Variants in ASAP2 observed in about 807,000 individuals in gnomAD.
The protein encoded by ASAP2 is ArfGAP with SH3 domain, ankyrin repeat and PH domain 2, also known as arf-GAP with SH3 domain, ANK repeat and PH domain-containing protein 2.
ASAP2 carries 45 observed loss-of-function variants against 131.4 expected under a neutral mutation model. That is an observed-to-expected ratio of 0.34 (90% confidence interval 0.27 to 0.44). The LOEUF is 0.44. ASAP2 is among the 20% of genes least tolerant of loss of function. ASAP2 has a pLI of 1.00. For synonymous variants in ASAP2, 510 were observed against 503.0 expected (o/e 1.01, Z -0.19); for missense variants, 1,011 against 1,297.0 (o/e 0.78, Z 3.39).
At chr2:9,331,079 A>G (rs1478890869) in intron 7 of ASAP2, among the ~76,000 whole-genome samples, 1 of 152,094 alleles carries the variant, frequency 6.6e-6, no homozygotes, top group African/African-American at 2.4e-5. Context: ...TTCCCCCACC[A>G]CACACGCCCA....
chr2:9,381,134 A>T (rs1168667647), intron 20 of ASAP2, among the ~76,000 whole-genome samples: 1 of 152,236 alleles, frequency 6.6e-6, no homozygotes, highest in Non-Finnish European at 1.5e-5. Flanking sequence ...GGCCTCCGTA[A>T]GCTGTTTACT....
intron 1 of ASAP2, among the ~76,000 whole-genome samples, chr2:9,269,295 G>T (rs1291974255): frequency 6.6e-6 from 1 of 152,008 alleles, no homozygotes; most frequent in Non-Finnish European, 1.5e-5. Flanking sequence ...AATTAATTTG[G>T]GTTCAGTTGG....
At chr2:9,304,549 C>T (rs4668616) in intron 3 of ASAP2, among the ~76,000 whole-genome samples, 144,033 of 145,344 alleles carry the variant, frequency 0.99, 71,378 homozygotes, top group Middle Eastern at 1. Context: ...GGGAGGGCTG[C>T]AGTTGTGGGG....
At chr2:9,258,335 G>T (rs58394981) in intron 1 of ASAP2, among the ~76,000 whole-genome samples, 39,541 of 90,054 alleles carry the variant, frequency 0.44, 6,541 homozygotes, top group African/African-American at 0.59. Context: ...ATCAGTAGTT[G>T]TTTTTTTTTT....
intron 2 of ASAP2, among the ~76,000 whole-genome samples, chr2:9,279,996 A>T (rs1021429615): frequency 6.6e-6 from 1 of 152,210 alleles, no homozygotes; most frequent in Non-Finnish European, 1.5e-5. Context: ...AATATTTTTT[A>T]AAAGTCGTTA....
At chr2:9,355,048 C>T (rs1672606501) in intron 12 of ASAP2, among the ~76,000 whole-genome samples, 1 of 152,192 alleles carries the variant, frequency 6.6e-6, no homozygotes, top group East Asian at 1.9e-4. Context: ...CCTCCCCTAG[C>T]TTTCCCTTCT....
At chr2:9,300,053 G>A (rs1482725361) in intron 3 of ASAP2, among the ~76,000 whole-genome samples, 1 of 152,140 alleles carries the variant, frequency 6.6e-6, no homozygotes, top group African/African-American at 2.4e-5. Context: ...GCAACATGGG[G>A]AACCCCTGTT....
intron 9 of ASAP2, among the ~76,000 whole-genome samples, chr2:9,342,850 C>G (rs542208538): frequency 6.6e-6 from 1 of 152,346 alleles, no homozygotes; most frequent in South Asian, 2.1e-4. Context: ...CGTGACCTCC[C>G]TGTGTCTTCT....
chr2:9,219,292 C>T (rs1662259949), intron 1 of ASAP2, among the ~76,000 whole-genome samples: 3 of 152,122 alleles, frequency 2.0e-5, no homozygotes. Context: ...TCACATTTGC[C>T]CTGTGATTCG....
chr2:9,400,984 T>C (rs1172725372), intron 26 of ASAP2, among the ~76,000 whole-genome samples, 154 bp downstream of exon 26: 3 of 152,062 alleles, frequency 2.0e-5, no homozygotes, highest in African/African-American at 4.8e-5. Context: ...TCTGGGCAGC[T>C]GGTGGGTTTG....
chr2:9,401,161 C>T, intron 26 of ASAP2, 113 bp from the exon 27 acceptor site: 2 of 1,398,350 alleles, frequency 1.4e-6, no homozygotes, highest in South Asian at 1.3e-5. Context: ...CTGCAGGCTT[C>T]TCAGGCCTAG....
chr2:9,260,563 C>T (rs551098296), intron 1 of ASAP2, among the ~76,000 whole-genome samples: 2 of 152,260 alleles, frequency 1.3e-5, no homozygotes, highest in Admixed American at 6.5e-5. Flanking sequence ...TTGTTTGCAT[C>T]GTCACACTCC....
At chr2:9,351,448 C>G (rs977914374) in intron 12 of ASAP2, among the ~76,000 whole-genome samples, 4 of 152,160 alleles carry the variant, frequency 2.6e-5, no homozygotes, top group African/African-American at 7.2e-5. Context: ...AATGTTTACT[C>G]AGCACCCCCT....
At chr2:9,213,641 T>A (rs976085687) in intron 1 of ASAP2, among the ~76,000 whole-genome samples, 1 of 152,070 alleles carries the variant, frequency 6.6e-6, no homozygotes, top group Non-Finnish European at 1.5e-5. Context: ...AGTGGCCTGA[T>A]TGAGGTCCAT....
intron 1 of ASAP2, among the ~76,000 whole-genome samples, chr2:9,258,201 TG>T (rs1300421362): frequency 6.8e-6 from 1 of 147,524 alleles, no homozygotes; most frequent in African/African-American, 2.6e-5. Flanking sequence ...TGGCCAGGTG[TG>T]GGGGCTCACG....
At chr2:9,208,674 C>G (rs1458163087) in intron 1 of ASAP2, among the ~76,000 whole-genome samples, 1 of 152,180 alleles carries the variant, frequency 6.6e-6, no homozygotes, top group Non-Finnish European at 1.5e-5. Flanking sequence ...TCACTTAATT[C>G]TACTTTTAGC....
intron 3 of ASAP2, among the ~76,000 whole-genome samples, chr2:9,298,746 GAA>G (rs1207512582): frequency 6.6e-6 from 1 of 152,194 alleles, no homozygotes; most frequent in South Asian, 2.1e-4. Flanking sequence ...TCTCCTGGTA[GAA>G]AAGTCAGTTG....
At chr2:9,280,552 C>G (rs1200110221) in intron 2 of ASAP2, among the ~76,000 whole-genome samples, 1 of 152,206 alleles carries the variant, frequency 6.6e-6, no homozygotes, top group African/African-American at 2.4e-5. Context: ...AATCCTACAT[C>G]AACAAGTACA....
At chr2:9,208,955 A>G (rs1055506778) in intron 1 of ASAP2, among the ~76,000 whole-genome samples, 4 of 152,200 alleles carry the variant, frequency 2.6e-5, no homozygotes, top group Non-Finnish European at 5.9e-5. Context: ...ACACTGGCAG[A>G]TGTTGGAAAG....
Sources: allele counts gnomAD v4.1 joint callset (sites outside exome capture counted in the v4.1 genomes callset), GRCh38; gene constraint gnomAD v4.1.1; transcripts MANE v1.5; gene names NCBI Gene and HGNC (gene_info 2026-07-23, HGNC 2026-07-21).